Variants in DPP6 observed in about 807,000 individuals in gnomAD.
DPP6 encodes dipeptidyl peptidase like 6, also known as A-type potassium channel modulatory protein DPP6.
DPP6 carries 69 observed loss-of-function variants against 122.6 expected under a neutral mutation model. The ratio of observed to expected loss-of-function variants is 0.56; its 90% CI spans 0.46 to 0.69. DPP6 has a LOEUF of 0.69. Among genes scored for constraint, DPP6 ranks in the 30% least tolerant of loss-of-function variants. The pLI is 0.00. For synonymous variants in DPP6, 418 were observed against 433.1 expected, an observed-to-expected ratio of 0.97 and a Z score of 0.43; for missense variants, 928 against 1,116.9, an observed-to-expected ratio of 0.83 and a Z score of 2.41.
intron 3 of DPP6, among the ~76,000 whole-genome samples, chr7:154,520,934 G>T (rs111714738): frequency 2.0e-5 from 3 of 152,094 alleles, no homozygotes; most frequent in African/African-American, 4.8e-5. Flanking sequence ...ACAATGCCTC[G>T]TATTCTACTG....
At chr7:154,414,324 T>A (rs1185403004) in intron 1 of DPP6, among the ~76,000 whole-genome samples, 1 of 152,184 alleles carries the variant, frequency 6.6e-6, no homozygotes, top group African/African-American at 2.4e-5. Flanking sequence ...GGGGTTTAAT[T>A]TAAATTAAAA....
intron 5 of DPP6, among the ~76,000 whole-genome samples, chr7:154,620,244 A>G (rs1834550850): frequency 6.6e-6 from 1 of 152,212 alleles, no homozygotes; most frequent in Non-Finnish European, 1.5e-5. Flanking sequence ...ATATGGAAAG[A>G]TTCTTTCTTA....
chr7:154,066,854 A>T (rs1802766494), intron 1 of DPP6, among the ~76,000 whole-genome samples: 1 of 152,112 alleles, frequency 6.6e-6, no homozygotes, highest in Non-Finnish European at 1.5e-5. Context: ...GAGCAAATAA[A>T]TGAGCTGGGT....
chr7:153,816,474 T>G, the DPP6 span, among the ~76,000 whole-genome samples: 1 of 152,176 alleles, frequency 6.6e-6, no homozygotes. Flanking sequence ...TCCCTTATGA[T>G]TAAATATTGA....
chr7:154,158,973 C>T (rs1796835915), intron 1 of DPP6, among the ~76,000 whole-genome samples: 1 of 152,130 alleles, frequency 6.6e-6, no homozygotes. Flanking sequence ...CCTCCCATTC[C>T]CCGCTGGGAC....
At chr7:154,553,295 A>G (rs1175254710) in intron 4 of DPP6, among the ~76,000 whole-genome samples, 1 of 152,184 alleles carries the variant, frequency 6.6e-6, no homozygotes, top group Non-Finnish European at 1.5e-5. Flanking sequence ...GGATTAAACA[A>G]TAGTCTATGT....
chr7:154,859,071 C>G (rs950148972), intron 17 of DPP6, among the ~76,000 whole-genome samples: 2 of 152,190 alleles, frequency 1.3e-5, no homozygotes, highest in Non-Finnish European at 2.9e-5. Flanking sequence ...GCCCCAGACC[C>G]CAAGACCCAG....
At chr7:154,398,109 A>C (rs1447909842) in intron 1 of DPP6, among the ~76,000 whole-genome samples, 1 of 152,188 alleles carries the variant, frequency 6.6e-6, no homozygotes, top group South Asian at 2.1e-4. Flanking sequence ...ATAATGCGTC[A>C]GGGTGTGAGG....
At chr7:154,783,211 C>T (rs904315720) in intron 10 of DPP6, among the ~76,000 whole-genome samples, 2 of 152,182 alleles carry the variant, frequency 1.3e-5, no homozygotes, top group African/African-American at 2.4e-5. Flanking sequence ...ACAAAGGCCT[C>T]GCATCCCCAT....
At chr7:154,162,266 C>T (rs187376827) in intron 1 of DPP6, among the ~76,000 whole-genome samples, 1 of 152,046 alleles carries the variant, frequency 6.6e-6, no homozygotes, top group South Asian at 2.1e-4. Flanking sequence ...AACTGAGATT[C>T]ACCATACAAG....
chr7:154,016,556 A>T (rs1402213449), intron 1 of DPP6, among the ~76,000 whole-genome samples: 1 of 152,134 alleles, frequency 6.6e-6, no homozygotes. Context: ...TGAGCCCAGG[A>T]ATTCGAGACC....
At chr7:154,132,794 G>A (rs1795356112) in intron 1 of DPP6, among the ~76,000 whole-genome samples, 1 of 152,036 alleles carries the variant, frequency 6.6e-6, no homozygotes, top group Non-Finnish European at 1.5e-5. Flanking sequence ...TGCCACACGT[G>A]AAACCACATG....
At chr7:154,535,540 TC>T (rs1828176918) in intron 3 of DPP6, among the ~76,000 whole-genome samples, 1 of 151,722 alleles carries the variant, frequency 6.6e-6, no homozygotes, top group Non-Finnish European at 1.5e-5. Context: ...CCTCCCCTAG[TC>T]CCCCATCCCC....
intron 5 of DPP6, among the ~76,000 whole-genome samples, chr7:154,630,220 C>G (rs1835322969): frequency 6.6e-6 from 1 of 152,156 alleles, no homozygotes; most frequent in Non-Finnish European, 1.5e-5. Flanking sequence ...CTTCTGCTGG[C>G]CTCAGCCTGG....
At chr7:153,967,270 G>A (rs1246682286) in intron 1 of DPP6, among the ~76,000 whole-genome samples, 1 of 152,016 alleles carries the variant, frequency 6.6e-6, no homozygotes, top group East Asian at 1.9e-4. Flanking sequence ...TCATATTCCA[G>A]GTCCAATGCA....
intron 1 of DPP6, among the ~76,000 whole-genome samples, chr7:154,330,484 T>A (rs753287338): frequency 2.0e-5 from 3 of 152,168 alleles, no homozygotes; most frequent in Non-Finnish European, 4.4e-5. Context: ...ACGGAAAAGA[T>A]GAGCGTGATA....
chr7:154,078,249 T>G (rs1472799604), intron 1 of DPP6, among the ~76,000 whole-genome samples: 1 of 151,964 alleles, frequency 6.6e-6, no homozygotes, highest in Non-Finnish European at 1.5e-5. Context: ...AGCACCACAA[T>G]GAGATTCTGA....
intron 3 of DPP6, among the ~76,000 whole-genome samples, chr7:154,495,497 C>A (rs1184026086): frequency 1.3e-5 from 2 of 151,552 alleles, no homozygotes; most frequent in African/African-American, 4.8e-5. Flanking sequence ...TCAAACAATT[C>A]TCATGCCTCA....
At chr7:154,776,804 A>G (rs1387507845) in intron 10 of DPP6, among the ~76,000 whole-genome samples, 1 of 152,194 alleles carries the variant, frequency 6.6e-6, no homozygotes, top group East Asian at 1.9e-4. Context: ...TAAAGGAACT[A>G]ACTGAAACTA....
Sources: gnomAD v4.1 joint callset for allele counts (sites outside exome capture counted in the v4.1 genomes callset) on GRCh38, gnomAD v4.1.1 for gene constraint, MANE v1.5 for transcripts, NCBI Gene and HGNC (gene_info 2026-07-23, HGNC 2026-07-21) for gene names.